The following TSGA10 variants were observed in gnomAD, a reference collection of about 807,000 sequenced individuals.
The protein encoded by TSGA10 is testis-specific gene 10 protein.
A neutral mutation model predicts 96.6 loss-of-function variants in TSGA10; 43 were observed. The observed-to-expected ratio is 0.44, with a 90% CI of 0.35 to 0.57. The LOEUF (loss-of-function observed/expected upper bound fraction) is 0.57, where lower values mean the gene tolerates loss of function less well. Ranked by LOEUF, TSGA10 falls within the 20% of genes least tolerant of loss-of-function variation. The pLI is 0.01. For missense variants in TSGA10, 703 were observed against 834.4 expected (o/e 0.84, Z 1.94); for synonymous variants, 229 against 269.9 (o/e 0.85, Z 1.48).
intron 16 of TSGA10, among the ~76,000 whole-genome samples, chr2:99,046,044 C>A (rs1181509641): frequency 1.3e-5 from 2 of 152,016 alleles, no homozygotes; most frequent in African/African-American, 4.8e-5. Flanking sequence ...ATATATGTAC[C>A]CAATACAGGA....
chr2:99,067,739 C>G (rs1230464881), intron 15 of TSGA10, among the ~76,000 whole-genome samples: 1 of 151,858 alleles, frequency 6.6e-6, no homozygotes, highest in East Asian at 1.9e-4. Context: ...TGTAACCCCA[C>G]CTACTCAGGA....
At chr2:99,060,942 CTAAA>C (rs1213844682) in intron 16 of TSGA10, among the ~76,000 whole-genome samples, 2 of 152,018 alleles carry the variant, frequency 1.3e-5, no homozygotes, top group East Asian at 3.9e-4. Context: ...TAGCATAGAT[CTAAA>C]TATAAAATCT....
chr2:99,109,273 G>C lies in TSGA10; in HGVS notation c.51+116C>G, dbSNP rs891992097. 8 of 1,159,278 alleles carry C rather than the reference G, an allele frequency of 6.9e-6. No homozygotes were observed. In the Admixed American group the frequency reaches 1.5e-4, roughly 21 times the overall value. 71.8% of individuals were successfully genotyped at this position (1,159,278 alleles called of 1,614,324 possible). A position where few individuals can be genotyped will look rare whatever the true frequency, so the allele number is the denominator to read the frequency against. On this transcript the variant is annotated intron_variant, in intron 6 of 20. Coordinates refer to ENST00000393483, the MANE Select transcript of TSGA10 (RefSeq NM_025244.4). ...GAGACCTCTGTCTCTCAACCCCTTT[G>C]AAACAGCAATTCACAGCAAATCAAA...
chr2:99,033,242 C>A (rs181841631), intron 17 of TSGA10, among the ~76,000 whole-genome samples: 2 of 152,310 alleles, frequency 1.3e-5, no homozygotes. Context: ...TTAAAATTAT[C>A]AGCCACATTA....
chr2:99,024,099 CT>C lies in TSGA10; in HGVS notation c.1615-3618del, dbSNP rs59387881. ...AGTTTTGTAAAGTACAAGTATTTGTCTTTTTTTTTTTAGACAGAGTCTTGCT... is the reference window on the plus strand; with the variant it reads ...AGTTTTGTAAAGTACAAGTATTTGTCTTTTTTTTTTAGACAGAGTCTTGCT... On this transcript the variant is annotated intron_variant, in intron 17 of 20. Transcript: ENST00000393483. 1.9e-4 allele frequency among the ~76,000 whole-genome samples: 28 copies of C among 147,594 alleles called. 1 individual carries two copies. Among genetic ancestry groups the C allele is most frequent in the South Asian group, 1.3e-3 (6 of 4,672 alleles).
At chr2:99,138,947 G>T (rs796352146) in intron 1 of TSGA10, among the ~76,000 whole-genome samples, 1 of 152,070 alleles carries the variant, frequency 6.6e-6, no homozygotes, top group African/African-American at 2.4e-5. Context: ...GTATTGCCCC[G>T]ACACAAGAAA....
intron 1 of TSGA10, among the ~76,000 whole-genome samples, chr2:99,148,740 G>A (rs139181781): frequency 2.1e-4 from 32 of 152,256 alleles, no homozygotes; most frequent in Non-Finnish European, 4.3e-4. Context: ...GGGAGCTGAG[G>A]TGGGTGGATC....
intron 12 of TSGA10, among the ~76,000 whole-genome samples, chr2:99,073,676 T>C (rs2086250515): frequency 1.3e-5 from 2 of 152,038 alleles, no homozygotes; most frequent in South Asian, 4.2e-4. Context: ...GTAAGAGAAA[T>C]AAACTATATT....
At chr2:99,088,047 T>C (rs1383959390) in intron 10 of TSGA10, among the ~76,000 whole-genome samples, 1 of 152,218 alleles carries the variant, frequency 6.6e-6, no homozygotes, top group African/African-American at 2.4e-5. Context: ...TAAACTCTTA[T>C]ACAACCTTTC....
chr2:99,066,309 C>G (rs888022187), intron 15 of TSGA10, among the ~76,000 whole-genome samples: 1 of 152,162 alleles, frequency 6.6e-6, no homozygotes, highest in African/African-American at 2.4e-5. Flanking sequence ...CAGCAGGAAC[C>G]TGATATGTGT....
intron 16 of TSGA10, among the ~76,000 whole-genome samples, chr2:99,048,491 T>C (rs931896901): frequency 1.3e-4 from 20 of 152,318 alleles, no homozygotes; most frequent in African/African-American, 4.1e-4. Context: ...AAGGATTCCC[T>C]ATTTCATAAA....
At chr2:99,002,979 C>A (rs1179330292) in intron 20 of TSGA10, among the ~76,000 whole-genome samples, 1 of 152,120 alleles carries the variant, frequency 6.6e-6, no homozygotes, top group South Asian at 2.1e-4. Flanking sequence ...CTGCCTCAGC[C>A]TTCTGAGTAG....
intron 20 of TSGA10, among the ~76,000 whole-genome samples, chr2:98,998,786 A>G (rs1221730486): frequency 1.3e-5 from 2 of 152,224 alleles, no homozygotes; most frequent in Non-Finnish European, 2.9e-5. Flanking sequence ...GCTAATGTCA[A>G]TATCCCAGTT....
At chr2:99,082,968 G>C (rs543110519) in intron 10 of TSGA10, among the ~76,000 whole-genome samples, 24 of 151,394 alleles carry the variant, frequency 1.6e-4, no homozygotes, top group African/African-American at 5.9e-4. Flanking sequence ...ATACAGAATA[G>C]ACACTGTGAA....
At chr2:98,999,700 C>T (rs2077724022) in intron 20 of TSGA10, among the ~76,000 whole-genome samples, 1 of 152,140 alleles carries the variant, frequency 6.6e-6, no homozygotes, top group African/African-American at 2.4e-5. Context: ...TGTGACATAA[C>T]AGTCATATCA....
At chr2:99,142,249 GGAT>G (rs1467530405) in intron 1 of TSGA10, 1 of 152,170 alleles carries the variant, frequency 6.6e-6, no homozygotes, top group Non-Finnish European at 1.5e-5. Context: ...AAGAGCTTCT[GGAT>G]GATAATGGTG....
intron 10 of TSGA10, among the ~76,000 whole-genome samples, chr2:99,101,244 C>CAAAAAAA (rs869263270): frequency 1.2e-4 from 3 of 24,364 alleles, no homozygotes; most frequent in Admixed American, 6.8e-4. Context: ...GACTCTGTCT[C>CAAAAAAA]AAAAAAAAAA....
Position 99,091,615 on chromosome 2 carries a change from T to G in TSGA10, c.612-10218A>C, listed in dbSNP as rs544991148. On this transcript the variant is annotated intron_variant, in intron 10 of 20. Transcript: ENST00000393483. ...AAGGTAAAGGGGTGGAAAAAGACAT[T>G]CCATGCTAATGGACACCAAAAGCAA... Among the ~76,000 whole-genome samples the G allele has an allele frequency of 6.8e-4, 103 of 152,154 alleles. 1 individual carries two copies. Among genetic ancestry groups the G allele is most frequent in the African/African-American group, 2.3e-3 (97 of 41,518 alleles).
In TSGA10 at chr2:99,110,885, T is replaced by C. The variant is rs972145126; in HGVS notation, c.-109A>G. 3 of 762,256 alleles carry C rather than the reference T, an allele frequency of 3.9e-6. No individual in the cohort carries two copies. Among genetic ancestry groups the C allele is most frequent in the Admixed American group, 6.3e-5 (1 of 15,842 alleles). The allele number at this position is 762,256 out of a possible 1,614,324, so 47.2% of individuals were successfully genotyped here. On this transcript the variant is annotated 5_prime_UTR_variant, in exon 5 of 21. Coordinates refer to ENST00000393483, the MANE Select transcript of TSGA10 (RefSeq NM_025244.4). ...CTTTTTATTGTATCTTCCAATACTA[T>C]AATATTATTTTGCTGGCAAATGAGA...
Sources: allele counts gnomAD v4.1 joint callset (sites outside exome capture counted in the v4.1 genomes callset), GRCh38; gene constraint gnomAD v4.1.1; transcripts MANE v1.5; gene names NCBI Gene and HGNC (gene_info 2026-07-23, HGNC 2026-07-21).